The following TENM3 variants were observed in gnomAD, a reference collection of about 807,000 sequenced individuals.
TENM3 encodes teneurin-3.
Under a neutral mutation model 255.1 loss-of-function variants are expected in TENM3, and 63 were observed. That is an observed-to-expected ratio of 0.25 (90% CI 0.20 to 0.30). The LOEUF is 0.30. TENM3 is among the 10% of genes least tolerant of loss of function. TENM3 has a pLI of 1.00. For missense variants in TENM3, 2,929 were observed against 3,461.1 expected, an observed-to-expected ratio of 0.85 and a Z score of 3.86; for synonymous variants, 1,306 against 1,322.3, an observed-to-expected ratio of 0.99 and a Z score of 0.27.
chr4:182,334,440 T>TA lies in TENM3; in HGVS notation c.232+10189dup, dbSNP rs562092745. ...AATTGGCGTGAGTGATCTTCAAATT[T>TA]ATCTTAAAATTCAAGTGATCATAAA... is the stretch of plus-strand genomic sequence containing the variant. On this transcript the variant is annotated intron_variant, in intron 2 of 27. Transcript: ENST00000511685. 2.2e-3 allele frequency among the ~76,000 whole-genome samples: 332 copies of TA among 152,280 alleles called. 1 individual carries two copies. Among genetic ancestry groups the TA allele is most frequent in the Middle Eastern group, 6.8e-3 (2 of 294 alleles).
the TENM3 span, among the ~76,000 whole-genome samples, chr4:181,721,725 C>T: frequency 8.1e-5 from 12 of 148,116 alleles, no homozygotes; most frequent in East Asian, 2.4e-3. Flanking sequence ...GGAGTAATTA[C>T]AAAGATTTCA....
intron 1 of TENM3, among the ~76,000 whole-genome samples, chr4:182,258,169 A>G (rs12510892): frequency 4.6e-5 from 7 of 152,312 alleles, no homozygotes; most frequent in Admixed American, 4.6e-4. Context: ...TTATGCATTT[A>G]CAAACATGCA....
At chr4:182,563,792 A>G (rs1035340347) in intron 3 of TENM3, among the ~76,000 whole-genome samples, 6 of 152,236 alleles carry the variant, frequency 3.9e-5, no homozygotes, top group African/African-American at 9.6e-5. Flanking sequence ...AAAAGCTGTT[A>G]CAAATATCCT....
At chr4:182,181,115 A>G (rs982284174) in intron 1 of TENM3, among the ~76,000 whole-genome samples, 2 of 152,134 alleles carry the variant, frequency 1.3e-5, no homozygotes, top group African/African-American at 4.8e-5. Flanking sequence ...ACAAATCAAA[A>G]CGCAGCAACC....
chr4:181,507,731 A>T, the TENM3 span, among the ~76,000 whole-genome samples: 1 of 152,248 alleles, frequency 6.6e-6, no homozygotes, highest in Non-Finnish European at 1.5e-5. Flanking sequence ...GAGATGCTCA[A>T]ATCGATTGTT....
the TENM3 span, among the ~76,000 whole-genome samples, chr4:181,713,081 AC>A: frequency 2.6e-5 from 4 of 152,210 alleles, no homozygotes; most frequent in African/African-American, 9.6e-5. Context: ...TTCCCAGAGT[AC>A]CTCTCAGCCA....
intron 3 of TENM3, among the ~76,000 whole-genome samples, chr4:182,592,171 AG>A (rs1309004067): frequency 6.6e-6 from 1 of 150,560 alleles, no homozygotes; most frequent in Non-Finnish European, 1.5e-5. Context: ...TTATTTTTAA[AG>A]GAATGGATTA....
At chr4:182,400,261 C>T (rs1307644968) in intron 3 of TENM3, among the ~76,000 whole-genome samples, 1 of 152,174 alleles carries the variant, frequency 6.6e-6, no homozygotes, top group Non-Finnish European at 1.5e-5. Context: ...TGGATTTGAA[C>T]AGCCTTCTAA....
At chr4:182,237,632 C>A (rs1200503379) in intron 1 of TENM3, among the ~76,000 whole-genome samples, 1 of 152,062 alleles carries the variant, frequency 6.6e-6, no homozygotes, top group Non-Finnish European at 1.5e-5. Flanking sequence ...AAAATTCATT[C>A]GGAATTCTGG....
the TENM3 span, among the ~76,000 whole-genome samples, chr4:181,955,780 G>A: frequency 6.6e-6 from 1 of 152,128 alleles, no homozygotes; most frequent in Admixed American, 6.6e-5. Flanking sequence ...CTTGCATAGG[G>A]TCACTGCTAG....
intron 1 of TENM3, among the ~76,000 whole-genome samples, chr4:182,195,797 G>A (rs1317067941): frequency 1.3e-5 from 2 of 151,962 alleles, no homozygotes; most frequent in Non-Finnish European, 2.9e-5. Context: ...ATTTGTACTC[G>A]TTATAAACAT....
chr4:182,384,361 A>C (rs1417931931), intron 3 of TENM3, among the ~76,000 whole-genome samples: 5 of 147,744 alleles, frequency 3.4e-5, no homozygotes, highest in Admixed American at 3.4e-4. Context: ...TAGTACCATT[A>C]CTTTGAAAGA....
intron 16 of TENM3, 93 bp downstream of exon 16, chr4:182,731,232 A>G: frequency 7.7e-7 from 1 of 1,291,556 alleles, no homozygotes; most frequent in Non-Finnish European, 1.1e-6. Flanking sequence ...GAGTCCGGGC[A>G]CGGTGGCTCA....
the TENM3 span, among the ~76,000 whole-genome samples, chr4:181,864,088 A>G: frequency 2.0e-5 from 3 of 152,220 alleles, no homozygotes; most frequent in African/African-American, 7.2e-5. Context: ...TCTTAGTGGA[A>G]TCCTGGCTTA....
intron 3 of TENM3, among the ~76,000 whole-genome samples, chr4:182,369,873 G>GTC (rs1342960870): frequency 2.0e-5 from 3 of 152,022 alleles, no homozygotes; most frequent in African/African-American, 7.3e-5. Flanking sequence ...GTGAAACTCT[G>GTC]TCTCAAAAAA....
chr4:181,942,147 G>A, the TENM3 span, among the ~76,000 whole-genome samples: 6 of 151,996 alleles, frequency 3.9e-5, no homozygotes, highest in South Asian at 2.1e-4. Flanking sequence ...TAATCTCTGC[G>A]TGCCAACTGG....
the TENM3 span, among the ~76,000 whole-genome samples, chr4:181,981,414 A>G: frequency 2.1e-4 from 32 of 152,202 alleles, no homozygotes; most frequent in Non-Finnish European, 2.6e-4. Flanking sequence ...TGTAACAGGT[A>G]TACTAGCTGT....
rs770602831 is a variant in TENM3 at position 182,346,668 on chromosome 4, A to G, written c.250A>G (p.Arg84Gly). 1 of 1,613,748 alleles carries G rather than the reference A, an allele frequency of 6.2e-7. No individual in the cohort carries two copies. Among genetic ancestry groups the G allele is most frequent in the Admixed American group, 1.7e-5 (1 of 60,000 alleles). The change falls in exon 3 of 28, where the codon AGG becomes GGG. Residue 84 changes from arginine (R) to glycine (G), a missense_variant. Around this residue, in one of 6 missense-constraint regions of TENM3, gnomAD observed 283 missense variants for 256.9 expected, o/e 1.10. Transcript: ENST00000511685. ...CTAATTAGGACAGAATTTTACCCTA[A>G]GGCAGTTAGGAGTTTGTGAACCAGC... ...FTRQGQNFTLRQLGVCEPATR... is the reference protein window; with the variant it reads ...FTRQGQNFTLGQLGVCEPATR...
chr4:181,473,437 A>T, the TENM3 span, among the ~76,000 whole-genome samples: 4 of 152,008 alleles, frequency 2.6e-5, no homozygotes, highest in Non-Finnish European at 5.9e-5. Context: ...AATAAAATTT[A>T]AAAAATTAGC....
Sources: gnomAD v4.1 joint callset for allele counts (sites outside exome capture counted in the v4.1 genomes callset) on GRCh38, gnomAD v4.1.1 for gene constraint, gnomAD v4.1.1 regional missense constraint, MANE v1.5 for transcripts, NCBI Gene and HGNC (gene_info 2026-07-23, HGNC 2026-07-21) for gene names.